The following PIP5K1A variants were observed in gnomAD, a reference collection of about 807,000 sequenced individuals.
PIP5K1A encodes phosphatidylinositol-4-phosphate 5-kinase type 1 alpha, also known as phosphatidylinositol 4-phosphate 5-kinase type-1 alpha.
In PIP5K1A, 46 loss-of-function variants were observed where a neutral mutation model predicts 72.9. The ratio of observed to expected loss-of-function variants is 0.63; its 90% CI spans 0.50 to 0.81. PIP5K1A has a LOEUF of 0.81. Ranked by LOEUF, PIP5K1A falls within the 30% of genes least tolerant of loss-of-function variation. PIP5K1A has a pLI of 0.00. For missense variants in PIP5K1A, 458 were observed against 706.1 expected (o/e 0.65, Z 3.98); for synonymous variants, 228 against 255.1 (o/e 0.89, Z 1.01).
chr1:151,236,946 G>C (rs1690979339), intron 9 of PIP5K1A, among the ~76,000 whole-genome samples, 183 bp downstream of exon 9: 1 of 148,828 alleles, frequency 6.7e-6, no homozygotes, highest in Non-Finnish European at 1.5e-5. Context: ...TCCTGCTTCA[G>C]CCTCCTGAGT....
chr1:151,223,060 A>G (rs1470173073), intron 1 of PIP5K1A, among the ~76,000 whole-genome samples: 2 of 152,032 alleles, frequency 1.3e-5, no homozygotes, highest in Non-Finnish European at 2.9e-5. Flanking sequence ...TAAAAAAAAT[A>G]CAAAAATTAG....
rs148839803 is a variant in PIP5K1A, at chr1:151,227,793, C to G, written c.237+393C>G. Reference sequence around the variant, plus strand: ...CCCAGCTACTCGGGATGTTGAGGCACGAGAATCGCTTGAACCTGAGAGGTG... The same window carrying G: ...CCCAGCTACTCGGGATGTTGAGGCAGGAGAATCGCTTGAACCTGAGAGGTG... On this transcript the variant is annotated intron_variant, in intron 4 of 15. Coordinates refer to ENST00000368888, the MANE Select transcript of PIP5K1A (RefSeq NM_001135638.2). 8.9e-3 allele frequency among the ~76,000 whole-genome samples: 1,360 copies of G among 151,960 alleles called. 12 individuals carry two copies. Among genetic ancestry groups the G allele is most frequent in the Middle Eastern group, 0.017 (5 of 292 alleles).
chr1:151,219,007 T>G (rs1688019362), intron 1 of PIP5K1A, among the ~76,000 whole-genome samples: 1 of 152,120 alleles, frequency 6.6e-6, no homozygotes, highest in African/African-American at 2.4e-5. Context: ...GACTAAAAAT[T>G]AGACTAAAAA....
intron 1 of PIP5K1A, among the ~76,000 whole-genome samples, chr1:151,221,247 AT>A (rs748468182): frequency 6.6e-6 from 1 of 152,210 alleles, no homozygotes; most frequent in Non-Finnish European, 1.5e-5. Flanking sequence ...ATATATCAGC[AT>A]TGCAGTTTAG....
intron 11 of PIP5K1A, among the ~76,000 whole-genome samples, chr1:151,239,747 C>T (rs1362260608): frequency 1.3e-5 from 2 of 152,108 alleles, no homozygotes; most frequent in East Asian, 1.9e-4. Context: ...AGGCTGGTGT[C>T]GAACTCCTGA....
At chr1:151,231,842 G>A (rs587769542) in intron 5 of PIP5K1A, 41 bp downstream of exon 5, 2 of 1,605,564 alleles carry the variant, frequency 1.2e-6, no homozygotes, top group Non-Finnish European at 1.7e-6. Flanking sequence ...TGGAAATGTG[G>A]CCTTTTCAAA....
At chr1:151,212,881 C>CTTTTTTTTTTTTTT (rs59115186) in intron 1 of PIP5K1A, among the ~76,000 whole-genome samples, 1 of 112,998 alleles carries the variant, frequency 8.8e-6, no homozygotes, top group Admixed American at 1.0e-4. Context: ...CTGACTTTGC[C>CTTTTTTTTTTTTTT]TTTTTTTTTT....
intron 1 of PIP5K1A, among the ~76,000 whole-genome samples, chr1:151,215,617 C>T (rs144765156): frequency 6.6e-6 from 1 of 152,152 alleles, no homozygotes; most frequent in Non-Finnish European, 1.5e-5. Context: ...TGAGCCTCTG[C>T]GCCCGGCATT....
At chr1:151,219,592 G>T (rs587611768) in intron 1 of PIP5K1A, among the ~76,000 whole-genome samples, 2 of 152,094 alleles carry the variant, frequency 1.3e-5, no homozygotes, top group African/African-American at 2.4e-5. Context: ...TACTCGGGAG[G>T]CTGAGGCAGG....
chr1:151,214,346 TG>T (rs1228787888), intron 1 of PIP5K1A, among the ~76,000 whole-genome samples: 1 of 152,136 alleles, frequency 6.6e-6, no homozygotes, highest in Non-Finnish European at 1.5e-5. Context: ...TAAGGCTTTT[TG>T]CTTTGTTTTT....
chr1:151,230,459 T>C (rs1304556271), intron 4 of PIP5K1A, among the ~76,000 whole-genome samples: 1 of 152,188 alleles, frequency 6.6e-6, no homozygotes, highest in African/African-American at 2.4e-5. Context: ...TTGACCAAGT[T>C]TGATAATTCT....
chr1:151,231,556 T>C, intron 4 of PIP5K1A, 115 bp from the exon 5 acceptor site: 2 of 871,424 alleles, frequency 2.3e-6, no homozygotes, highest in South Asian at 1.4e-5. Flanking sequence ...GAACTATTGC[T>C]CAGACTAAAG....
intron 15 of PIP5K1A, 119 bp downstream of exon 15, chr1:151,247,084 G>A: frequency 2.1e-6 from 1 of 473,540 alleles, no homozygotes; most frequent in East Asian, 3.5e-5. Context: ...CCTAAATCTT[G>A]TTTTTTATTT....
intron 1 of PIP5K1A, among the ~76,000 whole-genome samples, chr1:151,216,266 G>A (rs933215691): frequency 2.0e-5 from 3 of 151,186 alleles, no homozygotes; most frequent in East Asian, 1.9e-4. Context: ...GGAGAATGGC[G>A]TGAACCCGGG....
At chr1:151,208,759 G>T (rs1686348931) in intron 1 of PIP5K1A, among the ~76,000 whole-genome samples, 1 of 111,352 alleles carries the variant, frequency 9.0e-6, no homozygotes, top group African/African-American at 3.4e-5. Context: ...TGGAGACGGA[G>T]TCTTGCTCTG....
chr1:151,225,776 CTTTTTTCTTTTT>C (rs983888120), intron 3 of PIP5K1A, among the ~76,000 whole-genome samples: 1 of 150,908 alleles, frequency 6.6e-6, no homozygotes, highest in African/African-American at 2.4e-5. Context: ...GGCCTCTTTT[CTTTTTTCTTTTT>C]TTTTTTGAGA....
At chr1:151,195,962 T>C (rs1199784052), upstream of PIP5K1A, among the ~76,000 whole-genome samples, 6 of 123,166 alleles carry the variant, frequency 4.9e-5, no homozygotes, top group Non-Finnish European at 9.7e-5. Flanking sequence ...TGGCACGATC[T>C]CGGCTCAGTG....
chr1:151,226,117 T>A (rs1463578933), intron 3 of PIP5K1A, among the ~76,000 whole-genome samples: 3 of 137,802 alleles, frequency 2.2e-5, no homozygotes, highest in Non-Finnish European at 1.6e-5. Context: ...AGACAGAGTC[T>A]TGCTCTGTCA....
At chr1:151,210,143 C>T (rs1440390128) in intron 1 of PIP5K1A, among the ~76,000 whole-genome samples, 1 of 152,076 alleles carries the variant, frequency 6.6e-6, no homozygotes, top group Admixed American at 6.6e-5. Flanking sequence ...TTCCGCCTCC[C>T]AAAGTGCTGG....
Sources: allele counts gnomAD v4.1 joint callset (sites outside exome capture counted in the v4.1 genomes callset), GRCh38; gene constraint gnomAD v4.1.1; transcripts MANE v1.5; gene names NCBI Gene and HGNC (gene_info 2026-07-23, HGNC 2026-07-21).